Variants in SPIDR observed in about 807,000 individuals in gnomAD.
SPIDR encodes the protein DNA repair-scaffolding protein.
SPIDR carries 93 observed loss-of-function variants against 104.6 expected under a neutral mutation model. The observed-to-expected ratio is 0.89, with a 90% confidence interval of 0.75 to 1.06. SPIDR has a LOEUF of 1.06. SPIDR is among the 50% of genes least tolerant of loss of function. The probability of loss-of-function intolerance (pLI) is 0.00; values close to 1 mark genes in which losing one functional copy is unlikely to be tolerated. For missense variants in SPIDR, 1,154 were observed against 1,111.2 expected (o/e 1.04, Z -0.55); for synonymous variants, 431 against 416.9 (o/e 1.03, Z -0.41).
At chr8:47,281,020 A>T (rs1011859909) in intron 2 of SPIDR, among the ~76,000 whole-genome samples, 137 of 152,356 alleles carry the variant, frequency 9.0e-4, no homozygotes, top group African/African-American at 3.2e-3. Flanking sequence ...GACCAACACA[A>T]TAAAGTGAAT....
intron 7 of SPIDR, among the ~76,000 whole-genome samples, chr8:47,418,217 A>G (rs1164024614): frequency 6.6e-6 from 1 of 152,196 alleles, no homozygotes; most frequent in Non-Finnish European, 1.5e-5. Context: ...CTTGGACAGT[A>G]TGCCCATTTT....
At chr8:47,469,922 A>C (rs2075434236) in intron 8 of SPIDR, among the ~76,000 whole-genome samples, 1 of 152,208 alleles carries the variant, frequency 6.6e-6, no homozygotes, top group Admixed American at 6.5e-5. Context: ...GACATAAATA[A>C]ATATAAGGAC....
intron 5 of SPIDR, among the ~76,000 whole-genome samples, chr8:47,395,724 T>C (rs1259904542): frequency 1.3e-5 from 2 of 152,176 alleles, no homozygotes; most frequent in Non-Finnish European, 2.9e-5. Flanking sequence ...ATTATACAGT[T>C]TTCAAAAAAT....
intron 8 of SPIDR, among the ~76,000 whole-genome samples, chr8:47,484,069 G>T (rs2077223003): frequency 6.6e-6 from 1 of 152,142 alleles, no homozygotes; most frequent in Non-Finnish European, 1.5e-5. Context: ...TGATTGAACG[G>T]GTTCTCAGGT....
At chr8:47,295,756 A>C (rs2040730252) in intron 5 of SPIDR, among the ~76,000 whole-genome samples, 1 of 152,216 alleles carries the variant, frequency 6.6e-6, no homozygotes, top group African/African-American at 2.4e-5. Context: ...TGCAGTTAAC[A>C]TGGGAGTGCA....
intron 8 of SPIDR, among the ~76,000 whole-genome samples, chr8:47,580,370 C>A (rs1385596557): frequency 6.6e-6 from 1 of 152,150 alleles, no homozygotes; most frequent in African/African-American, 2.4e-5. Context: ...TGAGCCCTTG[C>A]ACGTGGGAAG....
chr8:47,314,170 T>A (rs2044796081), intron 5 of SPIDR, among the ~76,000 whole-genome samples: 1 of 152,208 alleles, frequency 6.6e-6, no homozygotes, highest in East Asian at 1.9e-4. Context: ...GTCTTTATTT[T>A]ATGAAGGGGT....
chr8:47,362,631 T>C (rs1358576407), intron 5 of SPIDR, among the ~76,000 whole-genome samples: 1 of 152,146 alleles, frequency 6.6e-6, no homozygotes, highest in Admixed American at 6.5e-5. Context: ...TGAACACTCA[T>C]ATATGGTGTT....
intron 6 of SPIDR, among the ~76,000 whole-genome samples, chr8:47,405,492 T>C (rs1032545275): frequency 9.2e-5 from 14 of 152,188 alleles, no homozygotes; most frequent in African/African-American, 3.4e-4. Context: ...ATTAAAAATA[T>C]TTTGACTGTA....
chr8:47,707,514 A>G (rs1287446003), intron 14 of SPIDR, among the ~76,000 whole-genome samples: 1 of 152,138 alleles, frequency 6.6e-6, no homozygotes, highest in Non-Finnish European at 1.5e-5. Context: ...AGGATTTGCA[A>G]ATATTTTCTC....
intron 6 of SPIDR, among the ~76,000 whole-genome samples, chr8:47,397,450 C>T (rs1053323715): frequency 2.6e-5 from 4 of 152,040 alleles, no homozygotes; most frequent in South Asian, 2.1e-4. Context: ...GAGCTGAGAT[C>T]GTGCCATTGC....
intron 5 of SPIDR, among the ~76,000 whole-genome samples, chr8:47,313,117 A>G (rs1295820948): frequency 5.9e-5 from 9 of 152,208 alleles, no homozygotes; most frequent in Non-Finnish European, 1.0e-4. Context: ...GAGGAAGTCA[A>G]ATTGTCTCTG....
At chr8:47,573,902 CTT>C (rs2058794868) in intron 8 of SPIDR, among the ~76,000 whole-genome samples, 1 of 152,182 alleles carries the variant, frequency 6.6e-6, no homozygotes, top group South Asian at 2.1e-4. Context: ...GCCCTAATTT[CTT>C]TGTTTGTGAA....
intron 11 of SPIDR, among the ~76,000 whole-genome samples, chr8:47,689,279 T>C (rs1589217307): frequency 6.6e-6 from 1 of 152,102 alleles, no homozygotes; most frequent in Non-Finnish European, 1.5e-5. Flanking sequence ...CTCTCCCGGG[T>C]TGGTTGGCTT....
chr8:47,502,560 G>A (rs567239934), intron 8 of SPIDR, among the ~76,000 whole-genome samples: 1 of 152,098 alleles, frequency 6.6e-6, no homozygotes, highest in African/African-American at 2.4e-5. Context: ...AGCAGTCTAT[G>A]AATTTTGTTG....
chr8:47,726,123 G>A (rs1049846431), intron 16 of SPIDR, among the ~76,000 whole-genome samples: 2 of 152,242 alleles, frequency 1.3e-5, no homozygotes, highest in African/African-American at 4.8e-5. Flanking sequence ...GCTGCATTAC[G>A]AGCCTTTATT....
Position 47,701,730 on chromosome 8 carries a change from C to CA in SPIDR, c.1784dup (p.His595GlnfsTer21). On this transcript the variant is annotated frameshift_variant, in exon 13 of 20. Transcript: ENST00000297423. LOFTEE classifies it high-confidence loss of function. Reference sequence around the variant, plus strand: ...TGTCTCATTTAAACAGATAAAAACTCATCTGCCTCCTCCAGCCTTGTGTTA... The same window carrying CA: ...TGTCTCATTTAAACAGATAAAAACTCAATCTGCCTCCTCCAGCCTTGTGTTA... The CA allele has an allele frequency of 1.2e-6, 2 of 1,613,988 alleles. No individual in the cohort carries two copies. The highest frequency in any genetic ancestry group is 1.7e-6 in the Non-Finnish European group (2 of 1,179,968).
At chr8:47,654,077 T>A in intron 10 of SPIDR, 1 of 1,289,758 alleles carries the variant, frequency 7.8e-7, no homozygotes, top group Non-Finnish European at 1.0e-6. Flanking sequence ...ATCTTGATCT[T>A]CTTAGGCCCC....
intron 1 of SPIDR, among the ~76,000 whole-genome samples, chr8:47,276,121 A>C (rs1281539872): frequency 6.6e-6 from 1 of 152,210 alleles, no homozygotes; most frequent in Non-Finnish European, 1.5e-5. Flanking sequence ...TTGGCCTCCC[A>C]AAGTGCTGGG....
Sources: allele counts gnomAD v4.1 joint callset (sites outside exome capture counted in the v4.1 genomes callset), GRCh38; gene constraint gnomAD v4.1.1; transcripts MANE v1.5; gene names NCBI Gene and HGNC (gene_info 2026-07-23, HGNC 2026-07-21).